Variants in TENM4 observed in about 807,000 individuals in gnomAD.
TENM4 encodes the protein teneurin transmembrane protein 4.
TENM4 carries 82 observed loss-of-function variants against 243.3 expected under a neutral mutation model. The ratio of observed to expected loss-of-function variants is 0.34; its 90% CI spans 0.28 to 0.40. The LOEUF (loss-of-function observed/expected upper bound fraction) is 0.40. Ranked by LOEUF, TENM4 falls within the 10% of genes least tolerant of loss-of-function variation. TENM4 has a pLI of 1.00. For synonymous variants in TENM4, 1,412 were observed against 1,456.3 expected, an observed-to-expected ratio of 0.97 and a Z score of 0.69; for missense variants, 3,138 against 3,673.3, an observed-to-expected ratio of 0.85 and a Z score of 3.77.
At chr11:79,228,996 T>A (rs1404905301) in intron 2 of TENM4, among the ~76,000 whole-genome samples, 1 of 152,242 alleles carries the variant, frequency 6.6e-6, no homozygotes, top group Non-Finnish European at 1.5e-5. Context: ...AGGCTCCTCT[T>A]GGCTATGACA....
At chr11:78,787,620 G>C (rs2136040314) in intron 15 of TENM4, among the ~76,000 whole-genome samples, 1 of 152,246 alleles carries the variant, frequency 6.6e-6, no homozygotes, top group East Asian at 1.9e-4. Context: ...GGTGCGGGAG[G>C]GAGGCTGAAC....
chr11:79,096,275 A>G (rs1481293588), intron 4 of TENM4: 1 of 152,182 alleles, frequency 6.6e-6, no homozygotes, highest in Non-Finnish European at 1.5e-5. Flanking sequence ...CACTGTCACA[A>G]TGGCCCTGCT....
At chr11:79,296,366 C>G (rs756690187) in intron 2 of TENM4, among the ~76,000 whole-genome samples, 1 of 152,204 alleles carries the variant, frequency 6.6e-6, no homozygotes, top group Non-Finnish European at 1.5e-5. Flanking sequence ...TGAATTCTCT[C>G]TGATATGCTA....
intron 6 of TENM4, among the ~76,000 whole-genome samples, chr11:78,985,980 T>G (rs1211423097): frequency 6.6e-6 from 1 of 152,222 alleles, no homozygotes; most frequent in Non-Finnish European, 1.5e-5. Context: ...CTTTTCTTCC[T>G]TTCAAATCCC....
At chr11:78,819,289 A>C (rs1857674889) in intron 12 of TENM4, among the ~76,000 whole-genome samples, 1 of 152,224 alleles carries the variant, frequency 6.6e-6, no homozygotes, top group Non-Finnish European at 1.5e-5. Context: ...GTCAAGGTGA[A>C]AGATGATCAC....
At chr11:79,036,467 G>A (rs540648988) in intron 6 of TENM4, among the ~76,000 whole-genome samples, 1 of 152,296 alleles carries the variant, frequency 6.6e-6, no homozygotes, top group African/African-American at 2.4e-5. Context: ...TCTGCATGGG[G>A]CAAACATCCA....
intron 12 of TENM4, among the ~76,000 whole-genome samples, chr11:78,844,879 T>C (rs1394087299): frequency 2.0e-5 from 3 of 152,194 alleles, no homozygotes; most frequent in Non-Finnish European, 4.4e-5. Flanking sequence ...ATGGCAGCCC[T>C]AGCAGACTAA....
chr11:79,131,576 C>T (rs1862004143), intron 4 of TENM4, among the ~76,000 whole-genome samples: 1 of 152,168 alleles, frequency 6.6e-6, no homozygotes, highest in Non-Finnish European at 1.5e-5. Context: ...AACAGAACTT[C>T]TTTAAAGCAT....
rs547577508 is a variant in TENM4 at position 78,670,026 on chromosome 11, G to C, written c.6319C>G (p.Leu2107Val). 1 of 1,613,966 alleles carries C rather than the reference G, an allele frequency of 6.2e-7. No homozygotes were observed. Among genetic ancestry groups the C allele is most frequent in the South Asian group, 1.1e-5 (1 of 91,072 alleles). The change falls in exon 32 of 34, where the codon CTC (leucine) becomes GTC (valine). Residue 2107 changes from leucine to valine, a missense_variant. Physicochemically the swap from Leu to Val is conservative, Grantham distance 32 (BLOSUM62 1). This residue lies in a region of TENM4 where 2,467 missense variants were observed against 3,059.1 expected (regional missense o/e 0.81). Transcript: ENST00000278550. ...VINETPLPID[L>V]YRYDDVSGKT... ...CCTGACACATCATCATAGCGATAGA[G>C]ATCAATGGGCAGTGGGGTCTCGTTG...
At chr11:78,875,124 C>T (rs2136250555) in intron 9 of TENM4, among the ~76,000 whole-genome samples, 1 of 152,306 alleles carries the variant, frequency 6.6e-6, no homozygotes, top group South Asian at 2.1e-4. Flanking sequence ...TGCAAACCGC[C>T]GCCCCAGTCA....
intron 6 of TENM4, among the ~76,000 whole-genome samples, chr11:78,943,292 T>G (rs1004927242): frequency 1.4e-4 from 22 of 152,310 alleles, no homozygotes; most frequent in African/African-American, 5.1e-4. Context: ...GTTCTGAAGC[T>G]TGAGTTATGT....
intron 3 of TENM4, among the ~76,000 whole-genome samples, chr11:79,166,016 T>C (rs1862905821): frequency 6.6e-6 from 1 of 152,174 alleles, no homozygotes; most frequent in Admixed American, 6.5e-5. Flanking sequence ...TGCCTAACTT[T>C]TTCTCTGACA....
At chr11:79,250,853 A>G (rs568990665) in intron 2 of TENM4, among the ~76,000 whole-genome samples, 2 of 152,200 alleles carry the variant, frequency 1.3e-5, no homozygotes, top group Non-Finnish European at 2.9e-5. Context: ...CAATTACTTC[A>G]CAAACATGCA....
At chr11:79,202,118 C>T (rs1337300517) in intron 3 of TENM4, among the ~76,000 whole-genome samples, 1 of 152,142 alleles carries the variant, frequency 6.6e-6, no homozygotes, top group African/African-American at 2.4e-5. Context: ...CTGTTTGGGG[C>T]ATGATGAGCC....
intron 10 of TENM4, 71 bp from the exon 11 acceptor site, chr11:78,856,249 T>G (rs758237065): frequency 7.8e-5 from 105 of 1,347,172 alleles, no homozygotes; most frequent in Non-Finnish European, 1.1e-4. Flanking sequence ...AACCAGGGCA[T>G]CTGAACACCC....
intron 6 of TENM4, among the ~76,000 whole-genome samples, chr11:78,976,893 T>C (rs1857670057): frequency 6.6e-6 from 1 of 152,246 alleles, no homozygotes; most frequent in African/African-American, 2.4e-5. Flanking sequence ...ACCTTTTGTG[T>C]CTGGCACCGC....
chr11:79,285,289 A>G (rs1856230722), intron 2 of TENM4, among the ~76,000 whole-genome samples: 2 of 152,126 alleles, frequency 1.3e-5, no homozygotes, highest in African/African-American at 4.8e-5. Flanking sequence ...ATTCATCATT[A>G]GGGAAATCCA....
chr11:79,268,441 T>C (rs1013499453), intron 2 of TENM4, among the ~76,000 whole-genome samples: 7 of 152,208 alleles, frequency 4.6e-5, no homozygotes, highest in Non-Finnish European at 8.8e-5. Context: ...TTCTTCTCTT[T>C]AAATCTTACT....
At chr11:79,313,939 C>G (rs1294426258) in intron 1 of TENM4, among the ~76,000 whole-genome samples, 1 of 152,166 alleles carries the variant, frequency 6.6e-6, no homozygotes. Flanking sequence ...CCCCGGTGGC[C>G]AATCCTTTCT....
Sources: allele counts gnomAD v4.1 joint callset (sites outside exome capture counted in the v4.1 genomes callset), GRCh38; gene constraint gnomAD v4.1.1; regional missense constraint gnomAD v4.1.1; transcripts MANE v1.5; gene names NCBI Gene and HGNC (gene_info 2026-07-23, HGNC 2026-07-21).